The following POU1F1 variants were observed in gnomAD, a reference collection of about 807,000 sequenced individuals.
POU1F1 encodes the protein POU class 1 homeobox 1, also known as pituitary-specific positive transcription factor 1.
In POU1F1, 23 loss-of-function variants were observed where a neutral mutation model predicts 32.3. That is an observed-to-expected ratio of 0.71 (90% CI 0.51 to 1.01). The LOEUF is 1.01. POU1F1 is among the 50% of genes least tolerant of loss of function. The pLI, the probability that POU1F1 is intolerant of heterozygous loss-of-function variation, is 0.00. For missense variants in POU1F1, 323 were observed against 341.6 expected (o/e 0.95, Z 0.43); for synonymous variants, 120 against 115.6 (o/e 1.04, Z -0.25).
Position 87,276,350 on chromosome 3 carries a change from G to A in POU1F1, c.113C>T (p.Ser38Phe), listed in dbSNP as rs1360732154. 1 of 1,613,968 alleles carries A rather than the reference G, an allele frequency of 6.2e-7. No individual in the cohort carries two copies. The highest frequency in any genetic ancestry group is 8.5e-7 in the Non-Finnish European group (1 of 1,179,906). ...HHSAAECLPV[S>F]NHATNVMSTA... ...AGACATCACATTGGTGGCATGGTTG[G>A]AGACTGGTAGACACTCGGCAGCACT... Residue 38 changes from serine (S) to phenylalanine (F), a missense_variant, in exon 1 of 6, where the codon TCC becomes TTC. Coordinates refer to ENST00000350375, the MANE Select transcript of POU1F1 (RefSeq NM_000306.4).
intron 3 of POU1F1, 53 bp from the exon 4 acceptor site, chr3:87,262,288 T>G: frequency 1.9e-6 from 3 of 1,605,036 alleles, no homozygotes; most frequent in Non-Finnish European, 2.6e-6. Context: ...AAATGTTAAT[T>G]TTGGTTCATT....
intron 2 of POU1F1, among the ~76,000 whole-genome samples, chr3:87,272,058 A>T (rs896528334): frequency 6.6e-6 from 1 of 151,590 alleles, no homozygotes; most frequent in Non-Finnish European, 1.5e-5. Flanking sequence ...AATTATAGGA[A>T]TAAATCAATA....
chr3:87,273,441 C>T (rs189221434), intron 1 of POU1F1, 23 bp from the exon 2 acceptor site: 10 of 1,611,358 alleles, frequency 6.2e-6, no homozygotes, highest in Admixed American at 1.7e-5. Context: ...ACGTTGTCAC[C>T]GAGAAATGTG....
chr3:87,275,529 C>T (rs1028640724), intron 1 of POU1F1, among the ~76,000 whole-genome samples: 1 of 152,004 alleles, frequency 6.6e-6, no homozygotes, highest in Non-Finnish European at 1.5e-5. Context: ...AAGAAATTTA[C>T]CCAATTCAAG....
chr3:87,264,224 A>T (rs553211358), intron 3 of POU1F1, 64 bp downstream of exon 3: 1 of 1,291,440 alleles, frequency 7.7e-7, no homozygotes, highest in African/African-American at 1.5e-5. Flanking sequence ...TATATAAGAG[A>T]TTTAACAGCA....
At chr3:87,273,640 C>T in intron 1 of POU1F1, 2 of 748,250 alleles carry the variant, frequency 2.7e-6, no homozygotes, top group South Asian at 3.8e-5. Context: ...TAGGGGGGAT[C>T]AAAGTTTGTC....
At chr3:87,267,345 C>G (rs1024627594) in intron 2 of POU1F1, among the ~76,000 whole-genome samples, 4 of 152,114 alleles carry the variant, frequency 2.6e-5, no homozygotes, top group Non-Finnish European at 5.9e-5. Context: ...GCCTCCAGTG[C>G]CCAACGAATT....
chr3:87,261,143 T>C, intron 5 of POU1F1, 130 bp downstream of exon 5: 1 of 683,130 alleles, frequency 1.5e-6, no homozygotes, highest in East Asian at 2.9e-5. Context: ...GCTCCTGACC[T>C]CAGGCCCGCC....
chr3:87,261,272 C>G lies in POU1F1; in HGVS notation c.665+1G>C. On this transcript the variant is annotated splice_donor_variant, in intron 5 of 5. Transcript: ENST00000350375. LOFTEE classifies it high-confidence loss of function. ...CTAGTAACTTTTAATATAAAGAATA[C>G]CTTATAGTTGTTCTTCGTTTTCTTT... 1 of 1,564,578 alleles carries G rather than the reference C, an allele frequency of 6.4e-7. No homozygotes were observed. The highest frequency in any genetic ancestry group is 8.7e-7 in the Non-Finnish European group (1 of 1,143,492).
At chr3:87,260,497 C>A (rs1575975556) in intron 5 of POU1F1, among the ~76,000 whole-genome samples, 1 of 152,162 alleles carries the variant, frequency 6.6e-6, no homozygotes, top group Non-Finnish European at 1.5e-5. Flanking sequence ...AACTGACCAA[C>A]CAAAACAAAA....
chr3:87,265,145 T>G (rs954250205), intron 2 of POU1F1, among the ~76,000 whole-genome samples: 2 of 152,042 alleles, frequency 1.3e-5, no homozygotes, highest in East Asian at 3.8e-4. Context: ...TAAATAGGCT[T>G]GAGGAGTGAT....
In POU1F1 at chr3:87,264,292, T is replaced by C. The variant is rs773491464; in HGVS notation, c.435A>G (p.Lys145=). ...TTGCCTTTAACAAGCACATACCTAA[T>C]TTAATTCGTCTCACTTTAAATTCAT... ...FANEFKVRRI[K]LGYTQTNVGE... The change falls in exon 3 of 6, where the codon AAA becomes AAG. Residue 145 remains lysine, a synonymous_variant. Coordinates refer to ENST00000350375, the MANE Select transcript of POU1F1 (RefSeq NM_000306.4). The C allele has an allele frequency of 6.2e-7, 1 of 1,609,882 alleles. No individual in the cohort carries two copies. Among genetic ancestry groups the C allele is most frequent in the South Asian group, 1.1e-5 (1 of 90,982 alleles).
Position 87,273,420 on chromosome 3 carries a change from T to C in POU1F1, c.143-2A>G, listed in dbSNP as rs746709336. ...GAACAGAATAATGAAGTCCTGTTGC[T>C]GTGTTTCCCAACGTTGTCACCGAGA... is the stretch of plus-strand genomic sequence containing the variant. On this transcript the variant is annotated splice_acceptor_variant, in intron 1 of 5. Coordinates refer to ENST00000350375, the MANE Select transcript of POU1F1 (RefSeq NM_000306.4). LOFTEE classifies it high-confidence loss of function. 13 of 1,612,298 alleles carry C rather than the reference T, an allele frequency of 8.1e-6. No homozygotes were observed. The highest frequency in any genetic ancestry group is 1.3e-5 in the African/African-American group (1 of 74,800).
intron 2 of POU1F1, among the ~76,000 whole-genome samples, chr3:87,267,445 T>C (rs1706640526): frequency 6.6e-6 from 1 of 152,210 alleles, no homozygotes; most frequent in African/African-American, 2.4e-5. Flanking sequence ...CCAGGCAGTC[T>C]ATACTCAGGC....
chr3:87,267,823 C>T (rs1706652215), intron 2 of POU1F1, among the ~76,000 whole-genome samples: 3 of 152,040 alleles, frequency 2.0e-5, no homozygotes, highest in Non-Finnish European at 4.4e-5. Context: ...CCAGGCTGGT[C>T]TCAAAACTCC....
chr3:87,275,549 A>G (rs1226738288), intron 1 of POU1F1, among the ~76,000 whole-genome samples: 1 of 152,092 alleles, frequency 6.6e-6, no homozygotes, highest in African/African-American at 2.4e-5. Flanking sequence ...GTCTTTCTCC[A>G]TTTGTAAATC....
At position 87,262,065 on chromosome 3, in the gene POU1F1, T is replaced by C. The variant is rs771464555; in HGVS notation, c.604+6A>G. ...CAGCACAGCCTTCAGAGACACAATT[T>C]AGTACCTCCTACTTGCTCAGCTTCC... On this transcript the variant is annotated splice_donor_region_variant and intron_variant, in intron 4 of 5. Transcript: ENST00000350375. 1 of 1,614,002 alleles carries C rather than the reference T, an allele frequency of 6.2e-7. No individual in the cohort carries two copies. The highest frequency in any genetic ancestry group is 1.3e-5 in the African/African-American group (1 of 75,046).
At chr3:87,262,338 T>A in intron 3 of POU1F1, 103 bp from the exon 4 acceptor site, 1 of 1,284,998 alleles carries the variant, frequency 7.8e-7, no homozygotes, top group Non-Finnish European at 1.1e-6. Flanking sequence ...TATTACACAC[T>A]ATTTTTTAAC....
chr3:87,262,483 C>T (rs1208047699), intron 3 of POU1F1, among the ~76,000 whole-genome samples: 2 of 152,082 alleles, frequency 1.3e-5, no homozygotes, highest in Non-Finnish European at 2.9e-5. Context: ...CAGATAGAAA[C>T]ATCTGCCATT....
Sources: gnomAD v4.1 joint callset for allele counts (sites outside exome capture counted in the v4.1 genomes callset) on GRCh38, gnomAD v4.1.1 for gene constraint, MANE v1.5 for transcripts, NCBI Gene and HGNC (gene_info 2026-07-23, HGNC 2026-07-21) for gene names.